The following FAT2 variants were observed in gnomAD, a reference collection of about 807,000 sequenced individuals.
FAT2 encodes protocadherin Fat 2.
In FAT2, 150 loss-of-function variants were observed where a neutral mutation model predicts 295.3. The ratio of observed to expected loss-of-function variants is 0.51; its 90% confidence interval spans 0.44 to 0.58. The LOEUF (loss-of-function observed/expected upper bound fraction) is 0.58, where lower values mean the gene tolerates loss of function less well. Ranked by LOEUF, FAT2 falls within the 20% of genes least tolerant of loss-of-function variation. FAT2 has a pLI of 0.00. For missense variants in FAT2, 4,868 were observed against 5,442.7 expected (o/e 0.89, Z 3.32); for synonymous variants, 2,026 against 2,150.3 (o/e 0.94, Z 1.60).
At chr5:151,574,659 G>A (rs149018698) in intron 1 of FAT2, among the ~76,000 whole-genome samples, 4 of 152,152 alleles carry the variant, frequency 2.6e-5, no homozygotes, top group South Asian at 2.1e-4. Flanking sequence ...AGGGATTTTC[G>A]CATTCAAGTC....
At position 151,513,255 on chromosome 5, in the gene FAT2, GTAAT is replaced by G. The variant is rs1458492739; in HGVS notation, c.11464-653_11464-650del. On this transcript the variant is annotated intron_variant, in intron 20 of 23. Coordinates refer to ENST00000261800, the MANE Select transcript of FAT2 (RefSeq NM_001447.3). ...CCACTCTTCCTTTTTCTTTCGGAAAGTAATTATTTTTCATAAAAATATATAAAGA... is the reference window on the plus strand; with the variant it reads ...CCACTCTTCCTTTTTCTTTCGGAAAGTATTTTTCATAAAAATATATAAAGA... Among the ~76,000 whole-genome samples the G allele has an allele frequency of 2.0e-5, 3 of 152,142 alleles. No homozygotes were observed. The East Asian group carries it at 5.8e-4, about 29-fold the overall frequency.
rs61743240 is a variant in FAT2, at chr5:151,546,220, C to T, written c.4907G>A (p.Gly1636Asp). Reference sequence around the variant, plus strand: ...AGCCAGGTCATGCCATTGTGGGGAGCCTTGATCTTCTGCCTTCACTGTCAG... The same window carrying T: ...AGCCAGGTCATGCCATTGTGGGGAGTCTTGATCTTCTGCCTTCACTGTCAG... ...HTLTVKAEDQ[G>D]SPQWHDLATV... The change falls in exon 10 of 24, where the codon GGC becomes GAC. Residue 1636 changes from glycine (G) to aspartate (D), a missense_variant. Coordinates refer to ENST00000261800, the MANE Select transcript of FAT2 (RefSeq NM_001447.3). The T allele has an allele frequency of 1.2e-6, 2 of 1,614,112 alleles. No homozygotes were observed. Among genetic ancestry groups the T allele is most frequent in the South Asian group, 1.1e-5 (1 of 91,080 alleles).
intron 20 of FAT2, among the ~76,000 whole-genome samples, chr5:151,517,169 A>ACAGG (rs1752956778): frequency 6.6e-6 from 1 of 152,216 alleles, no homozygotes; most frequent in South Asian, 2.1e-4. Flanking sequence ...TGTTAAAATC[A>ACAGG]CAGGCAGACT....
Position 151,543,784 on chromosome 5 carries a change from G to C in FAT2, c.7343C>G (p.Ser2448Cys). 1 of 1,614,222 alleles carries C rather than the reference G, an allele frequency of 6.2e-7. No individual in the cohort carries two copies. Among genetic ancestry groups the C allele is most frequent in the African/African-American group, 1.3e-5 (1 of 75,046 alleles). Residue 2448 changes from serine to cysteine, a missense_variant, in exon 10 of 24, where the codon TCT (serine) becomes TGT (cysteine). By Grantham distance (112) the Ser-to-Cys change is moderately radical. This residue lies in a region of FAT2 where 3,297 missense variants were observed against 3,669.4 expected (regional missense o/e 0.90). Coordinates refer to ENST00000261800, the MANE Select transcript of FAT2 (RefSeq NM_001447.3). ...MFNLCKKHLD[S>C]SYNLRVGASD... ...AGCACCTACCCTCAAATTGTAAGAAGAGTCCAGGTGCTTTTTGCAAAGGTT... is the reference window on the plus strand; with the variant it reads ...AGCACCTACCCTCAAATTGTAAGAACAGTCCAGGTGCTTTTTGCAAAGGTT...
intron 4 of FAT2, among the ~76,000 whole-genome samples, chr5:151,555,217 A>T (rs1757576005): frequency 6.6e-6 from 1 of 152,326 alleles, no homozygotes; most frequent in African/African-American, 2.4e-5. Context: ...GCATCACATC[A>T]GACAGGAGAT....
In FAT2 at chr5:151,542,803, G is replaced by T. The variant is rs2127606182; in HGVS notation, c.8324C>A (p.Thr2775Asn). 2 of 1,614,200 alleles carry T rather than the reference G, an allele frequency of 1.2e-6. No individual in the cohort carries two copies. Reference protein sequence around the residue: ...IDVMAHCLQNTDVVSLVSVNI... With the variant: ...IDVMAHCLQNNDVVSLVSVNI... ...GACAGAGACCAAGGACACCACATCA[G>T]TGTTCTGAAGGCAATGTGCCATCAC... is the stretch of plus-strand genomic sequence containing the variant. The change falls in exon 10 of 24, where the codon ACT becomes AAT. Residue 2775 changes from threonine to asparagine, a missense_variant. Thr to Asn is a moderately conservative substitution (Grantham distance 65). This residue lies in a region of FAT2 where 3,297 missense variants were observed against 3,669.4 expected (regional missense o/e 0.90). Coordinates refer to ENST00000261800, the MANE Select transcript of FAT2 (RefSeq NM_001447.3).
chr5:151,506,296 C>T (rs896403554), intron 23 of FAT2, among the ~76,000 whole-genome samples, 199 bp from the exon 24 acceptor site: 5 of 152,220 alleles, frequency 3.3e-5, no homozygotes, highest in African/African-American at 1.2e-4. Context: ...GAGGTTTGAC[C>T]TAAGGCCAGC....
In FAT2 at chr5:151,531,705, G is replaced by T. The variant is rs1561835088; in HGVS notation, c.9693C>A (p.Ala3231=). ...TEHSVQVPED[A]PPGTEVLQLA... is the part of the protein sequence containing the mutation. ...GCTGCAGCACCTCCGTGCCAGGTGG[G>T]GCGTCCTCGGGCACCTGCACGCTGT... The change falls in exon 14 of 24, where the codon GCC becomes GCA. Residue 3231 remains alanine (A), a synonymous_variant. Transcript: ENST00000261800. This position sits in a 1 kb window ranked among gnomAD's most constrained non-coding sequence, Gnocchi z 5.7. The T allele has an allele frequency of 6.2e-7, 1 of 1,613,742 alleles. No homozygotes were observed. The highest frequency in any genetic ancestry group is 1.7e-5 in the Admixed American group (1 of 59,982).
Position 151,544,208 on chromosome 5 carries a change from C to A in FAT2, c.6919G>T (p.Val2307Phe). The stretch of plus-strand genomic sequence containing the variant: ...CCATCCTCCACAATCTGATAAGAGA[C>A]GTCACGGTTCCGCCCTGAGTCCTGG... Reference protein sequence around the residue: ...SDQDSGRNRDVSYQIVEDGSD... With the variant: ...SDQDSGRNRDFSYQIVEDGSD... Residue 2307 changes from valine to phenylalanine, a missense_variant, in exon 10 of 24, where the codon GTC (valine) becomes TTC (phenylalanine). Physicochemically the swap from Val to Phe is conservative, Grantham distance 50. Around this residue, in one of 5 missense-constraint regions of FAT2, gnomAD observed 3,297 missense variants for 3,669.4 expected, o/e 0.90. Coordinates refer to ENST00000261800, the MANE Select transcript of FAT2 (RefSeq NM_001447.3). The A allele has an allele frequency of 6.2e-7, 1 of 1,614,198 alleles. No homozygotes were observed. Among genetic ancestry groups the A allele is most frequent in the South Asian group, 1.1e-5 (1 of 91,082 alleles).
chr5:151,505,317 G>T lies in FAT2; in HGVS notation c.*248C>A. ...GAGTCAATTGTTCCTGGTTTTCCAGGGTCACTGCTCTAGAAATGCCCCTCT... is the reference window on the plus strand; with the variant it reads ...GAGTCAATTGTTCCTGGTTTTCCAGTGTCACTGCTCTAGAAATGCCCCTCT... On this transcript the variant is annotated 3_prime_UTR_variant, in exon 24 of 24. Coordinates refer to ENST00000261800, the MANE Select transcript of FAT2 (RefSeq NM_001447.3). 1 of 554,062 alleles carries T rather than the reference G, an allele frequency of 1.8e-6. No homozygotes were observed. Among genetic ancestry groups the T allele is most frequent in the Non-Finnish European group, 3.1e-6 (1 of 317,626 alleles). The allele number at this position is 554,062 out of a possible 1,614,324, so 34.3% of individuals were successfully genotyped here.
chr5:151,533,728 T>G (rs191868180), intron 13 of FAT2, among the ~76,000 whole-genome samples: 4 of 152,030 alleles, frequency 2.6e-5, no homozygotes, highest in African/African-American at 7.2e-5. Flanking sequence ...TACATATATA[T>G]ATACATACAC....
intron 9 of FAT2, among the ~76,000 whole-genome samples, chr5:151,547,633 C>T (rs377429265): frequency 5.3e-5 from 8 of 152,212 alleles, no homozygotes; most frequent in Non-Finnish European, 5.9e-5. Context: ...GTCATATAAC[C>T]GCTAAATTCA....
Position 151,553,181 on chromosome 5 carries a change from G to A in FAT2, c.4152C>T (p.Ile1384=), listed in dbSNP as rs1757374226. The change falls in exon 6 of 24, where the codon ATC becomes ATT. Residue 1384 remains isoleucine, a synonymous_variant. Coordinates refer to ENST00000261800, the MANE Select transcript of FAT2 (RefSeq NM_001447.3). ...GGGCCCTAGGCCTTGCCTCACCTGA[G>A]ATGTTGAACCAGAAGAGTCCGGGTC... ...EGRPGLFWFN[I]SGGDKDMDFD... The A allele has an allele frequency of 6.2e-7, 1 of 1,614,092 alleles. No homozygotes were observed. Among genetic ancestry groups the A allele is most frequent in the South Asian group, 1.1e-5 (1 of 91,084 alleles).
At chr5:151,560,655 C>T (rs1052636083) in intron 3 of FAT2, among the ~76,000 whole-genome samples, 1 of 152,222 alleles carries the variant, frequency 6.6e-6, no homozygotes. Flanking sequence ...ATGTTATGCC[C>T]TTTCAAACTG....
At position 151,505,466 on chromosome 5, in the gene FAT2, A is replaced by G; in HGVS notation, c.*99T>C. ...AGCCTGGGCTGAGGGCTTCCCTCCC[A>G]CTCTCCCAGCCACACTCAACTCACC... On this transcript the variant is annotated 3_prime_UTR_variant, in exon 24 of 24. Coordinates refer to ENST00000261800, the MANE Select transcript of FAT2 (RefSeq NM_001447.3). The G allele has an allele frequency of 7.0e-7, 1 of 1,438,134 alleles. No individual in the cohort carries two copies. The highest frequency in any genetic ancestry group is 9.5e-7 in the Non-Finnish European group (1 of 1,051,026). 89.1% of individuals were successfully genotyped at this position (1,438,134 alleles called of 1,614,324 possible).
chr5:151,507,226 G>A lies in FAT2; in HGVS notation c.12445C>T (p.Pro4149Ser), dbSNP rs2127564186. The A allele has an allele frequency of 6.2e-7, 1 of 1,613,556 alleles. No individual in the cohort carries two copies. The highest frequency in any genetic ancestry group is 8.5e-7 in the Non-Finnish European group (1 of 1,179,542). ...PVVCSVPPRLPPAAVPSHSDN... is the reference protein window; with the variant it reads ...PVVCSVPPRLSPAAVPSHSDN... ...GAGTGGGAAGGGACCGCAGCTGGCGGGAGTCTGGGGGGCACACTGCAGACC... is the reference window on the plus strand; with the variant it reads ...GAGTGGGAAGGGACCGCAGCTGGCGAGAGTCTGGGGGGCACACTGCAGACC... The change falls in exon 23 of 24, where the codon CCG (proline) becomes TCG (serine). Residue 4149 changes from proline to serine, a missense_variant. Around this residue, in one of 5 missense-constraint regions of FAT2, gnomAD observed 492 missense variants for 482.6 expected, o/e 1.02. Coordinates refer to ENST00000261800, the MANE Select transcript of FAT2 (RefSeq NM_001447.3).
chr5:151,540,333 C>G (rs1755988673), intron 11 of FAT2, among the ~76,000 whole-genome samples: 1 of 151,918 alleles, frequency 6.6e-6, no homozygotes, highest in Non-Finnish European at 1.5e-5. Context: ...GAGATGGGTC[C>G]CTCGGTCCTC....
In FAT2 at chr5:151,567,356, T is replaced by C; in HGVS notation, c.1576A>G (p.Lys526Glu). 1 of 1,614,236 alleles carries C rather than the reference T, an allele frequency of 6.2e-7. No homozygotes were observed. The highest frequency in any genetic ancestry group is 1.3e-5 in the African/African-American group (1 of 75,062). ...CTTACCCGGAAGGTATAAATTCTTTTCATGAGTTCATAGTCCATGGGTTTG... is the reference window on the plus strand; with the variant it reads ...CTTACCCGGAAGGTATAAATTCTTTCCATGAGTTCATAGTCCATGGGTTTG... Reference protein sequence around the residue: ...TSKPMDYELMKRIYTFRVRAS... With the variant: ...TSKPMDYELMERIYTFRVRAS... Residue 526 changes from lysine (K) to glutamate (E), a missense_variant, in exon 2 of 24, where the codon AAA becomes GAA. Around this residue, in one of 5 missense-constraint regions of FAT2, gnomAD observed 3,297 missense variants for 3,669.4 expected, o/e 0.90. Transcript: ENST00000261800.
In FAT2 at chr5:151,507,347, G is replaced by A. The variant is rs1311383268; in HGVS notation, c.12324C>T (p.Ala4108=). The change falls in exon 23 of 24, where the codon GCC becomes GCT. Residue 4108 remains alanine (A), a synonymous_variant. Transcript: ENST00000261800. Reference sequence around the variant, plus strand: ...GTTGGTTGAGGTTGTTGCAGGAGCTGGCACTCAATGGGTTGAGCTCGATGG... The same window carrying A: ...GTTGGTTGAGGTTGTTGCAGGAGCTAGCACTCAATGGGTTGAGCTCGATGG... ...MPAIELNPLS[A]SSCNNLNQPE... is the part of the protein sequence containing the mutation. The A allele has an allele frequency of 1.2e-6, 2 of 1,614,168 alleles. No individual in the cohort carries two copies. The highest frequency in any genetic ancestry group is 2.2e-5 in the South Asian group (2 of 91,086).
Sources: allele counts gnomAD v4.1 joint callset (sites outside exome capture counted in the v4.1 genomes callset), GRCh38; gene constraint gnomAD v4.1.1; regional missense constraint gnomAD v4.1.1; non-coding constraint Gnocchi (gnomAD v3.1); transcripts MANE v1.5; gene names NCBI Gene and HGNC (gene_info 2026-07-23, HGNC 2026-07-21).